The following GLRA1 variants were observed in gnomAD, a reference collection of about 807,000 sequenced individuals.
GLRA1 encodes the protein glycine receptor subunit alpha-1.
GLRA1 carries 37 observed loss-of-function variants against 48.3 expected under a neutral mutation model. The ratio of observed to expected loss-of-function variants is 0.77; its 90% CI spans 0.59 to 1.01. The LOEUF is 1.01. Among genes scored for constraint, GLRA1 ranks in the 50% least tolerant of loss-of-function variants. The pLI is 0.00. For synonymous variants in GLRA1, 196 were observed against 210.7 expected (o/e 0.93, Z 0.60); for missense variants, 427 against 571.0 (o/e 0.75, Z 2.57).
chr5:151,864,368 A>T (rs922605668), intron 3 of GLRA1, among the ~76,000 whole-genome samples: 2 of 152,220 alleles, frequency 1.3e-5, no homozygotes, highest in Admixed American at 1.3e-4. Flanking sequence ...ATACTGTCAC[A>T]TACATTTTAT....
At chr5:151,906,048 T>C (rs1480248179) in intron 1 of GLRA1, among the ~76,000 whole-genome samples, 1 of 152,188 alleles carries the variant, frequency 6.6e-6, no homozygotes, top group Non-Finnish European at 1.5e-5. Flanking sequence ...TGGACTCAAA[T>C]CTGATTCTGC....
intron 1 of GLRA1, among the ~76,000 whole-genome samples, chr5:151,922,823 G>A (rs1754913082): frequency 6.6e-6 from 1 of 152,228 alleles, no homozygotes; most frequent in Non-Finnish European, 1.5e-5. Context: ...GAGAGTGTGT[G>A]TGGGGAGAAA....
rs1449676281 is a variant in GLRA1, at chr5:151,849,421, C to T, written c.912+1969G>A. Among the ~76,000 whole-genome samples the T allele has an allele frequency of 2.3e-4, 4 of 17,598 alleles. No homozygotes were observed. The East Asian group carries it at 4.8e-3, about 21-fold the overall frequency. The allele number at this position is 17,598 out of a possible 152,430, so 11.5% of individuals were successfully genotyped here. A position where few individuals can be genotyped will look rare whatever the true frequency, so the allele number is the denominator to read the frequency against. ...CTTTCCTTTCCTTTCCTTTCCTTTC[C>T]TTTCCTTTCCTTTCCTTTCCTTTCC... On this transcript the variant is annotated intron_variant, in intron 7 of 8. Coordinates refer to ENST00000274576, the MANE Select transcript of GLRA1 (RefSeq NM_000171.4).
At chr5:151,893,283 ACTTTCTTT>A (rs56371578) in intron 1 of GLRA1, among the ~76,000 whole-genome samples, 12,279 of 76,076 alleles carry the variant, frequency 0.16, 677 homozygotes, top group Non-Finnish European at 0.17. Context: ...CCTCTGCCCA[ACTTTCTTT>A]CTTTCTTTCT....
chr5:151,889,766 C>T (rs1045927921), intron 2 of GLRA1, among the ~76,000 whole-genome samples: 4 of 151,878 alleles, frequency 2.6e-5, no homozygotes, highest in Non-Finnish European at 4.4e-5. Context: ...TGATTTGTGT[C>T]GGTGGAAGCA....
intron 7 of GLRA1, among the ~76,000 whole-genome samples, chr5:151,843,168 C>T (rs1300742390): frequency 6.6e-6 from 1 of 151,948 alleles, no homozygotes; most frequent in African/African-American, 2.4e-5. Context: ...GATGGCAATA[C>T]TCCCCTGATT....
intron 8 of GLRA1, among the ~76,000 whole-genome samples, chr5:151,824,800 A>AT (rs1763229994): frequency 6.6e-6 from 1 of 152,106 alleles, no homozygotes; most frequent in African/African-American, 2.4e-5. Flanking sequence ...GTCTCTTACT[A>AT]GATTATAAGC....
intron 5 of GLRA1, among the ~76,000 whole-genome samples, chr5:151,855,412 C>T (rs992400235): frequency 6.6e-6 from 1 of 152,142 alleles, no homozygotes; most frequent in Non-Finnish European, 1.5e-5. Flanking sequence ...TCCTATTGTT[C>T]CCCCTCTCAC....
At chr5:151,915,543 C>G (rs1473226137) in intron 1 of GLRA1, among the ~76,000 whole-genome samples, 1 of 152,084 alleles carries the variant, frequency 6.6e-6, no homozygotes, top group African/African-American at 2.4e-5. Flanking sequence ...ATAAAATGCT[C>G]TGCAGTGGTT....
intron 3 of GLRA1, among the ~76,000 whole-genome samples, chr5:151,862,674 G>T (rs574164445): frequency 1.3e-5 from 2 of 152,314 alleles, no homozygotes; most frequent in South Asian, 4.1e-4. Flanking sequence ...CTTCTTTATT[G>T]CAGGACTTCT....
At chr5:151,849,237 C>CCTTCCTTCCTTCCTTCCTTCCTTA (rs1752805064) in intron 7 of GLRA1, among the ~76,000 whole-genome samples, 1 of 94,750 alleles carries the variant, frequency 1.1e-5, no homozygotes, top group Non-Finnish European at 2.1e-5. Flanking sequence ...TTCCTTCCTT[C>CCTTCCTTCCTTCCTTCCTTCCTTA]CTTCCTTCCT....
At chr5:151,857,947 C>T (rs1224768087) in intron 4 of GLRA1, among the ~76,000 whole-genome samples, 1 of 152,222 alleles carries the variant, frequency 6.6e-6, no homozygotes, top group Non-Finnish European at 1.5e-5. Flanking sequence ...TAAAGTCACA[C>T]AGCAAGCTGA....
intron 6 of GLRA1, among the ~76,000 whole-genome samples, chr5:151,852,110 C>A (rs1752928260): frequency 6.6e-6 from 1 of 152,172 alleles, no homozygotes; most frequent in East Asian, 1.9e-4. Flanking sequence ...AGTTTAAACT[C>A]TTTAGCCTGC....
At chr5:151,837,940 C>T (rs1052056724) in intron 7 of GLRA1, among the ~76,000 whole-genome samples, 1 of 152,032 alleles carries the variant, frequency 6.6e-6, no homozygotes, top group African/African-American at 2.4e-5. Flanking sequence ...GCACATGTAT[C>T]CCAGAACTTA....
chr5:151,895,565 C>G (rs556603432), intron 1 of GLRA1, among the ~76,000 whole-genome samples: 2 of 151,882 alleles, frequency 1.3e-5, no homozygotes, highest in African/African-American at 4.8e-5. Context: ...TAGGACTGTT[C>G]TTAGAACATA....
At chr5:151,875,898 A>G (rs532923090) in intron 3 of GLRA1, among the ~76,000 whole-genome samples, 1 of 152,312 alleles carries the variant, frequency 6.6e-6, no homozygotes, top group East Asian at 1.9e-4. Context: ...TGTGCCATTT[A>G]TTGGCTGGAA....
At chr5:151,824,353 AAC>A (rs930701881) in intron 8 of GLRA1, among the ~76,000 whole-genome samples, 5 of 151,800 alleles carry the variant, frequency 3.3e-5, no homozygotes, top group African/African-American at 1.2e-4. Context: ...GAGTCGTTAT[AAC>A]ACAGATCTTG....
At chr5:151,906,422 A>G (rs1754474644) in intron 1 of GLRA1, among the ~76,000 whole-genome samples, 2 of 152,192 alleles carry the variant, frequency 1.3e-5, no homozygotes, top group Non-Finnish European at 2.9e-5. Context: ...AATTTATTAT[A>G]TTTAGTTGTA....
intron 1 of GLRA1, among the ~76,000 whole-genome samples, chr5:151,919,049 G>C (rs1754808970): frequency 6.6e-6 from 1 of 152,130 alleles, no homozygotes; most frequent in African/African-American, 2.4e-5. Context: ...ACATTTCAAA[G>C]GCTCTAACAA....
Sources: gnomAD v4.1 joint callset for allele counts (sites outside exome capture counted in the v4.1 genomes callset) on GRCh38, gnomAD v4.1.1 for gene constraint, MANE v1.5 for transcripts, NCBI Gene and HGNC (gene_info 2026-07-23, HGNC 2026-07-21) for gene names.